GLIS3: variants seen among roughly 807,000 people sequenced by gnomAD.
GLIS3 encodes zinc finger protein GLIS3.
GLIS3 carries 53 observed loss-of-function variants against 78.6 expected under a neutral mutation model. The observed-to-expected ratio is 0.67, with a 90% CI of 0.54 to 0.85. GLIS3 has a LOEUF of 0.85. Among genes scored for constraint, GLIS3 ranks in the 40% least tolerant of loss-of-function variants. The pLI, the probability that GLIS3 is intolerant of heterozygous loss-of-function variation, is 0.00. For missense variants in GLIS3, 1,703 were observed against 1,231.1 expected, an observed-to-expected ratio of 1.38 and a Z score of -5.74; for synonymous variants, 684 against 509.9, an observed-to-expected ratio of 1.34 and a Z score of -4.60.
chr9:4,248,992 C>T (rs979495908), intron 2 of GLIS3, among the ~76,000 whole-genome samples: 7 of 152,116 alleles, frequency 4.6e-5, no homozygotes, highest in Non-Finnish European at 1.0e-4. Context: ...GTCTATATAT[C>T]TATTTTGGTA....
At chr9:3,965,783 G>GCCACCAA (rs926124182) in intron 4 of GLIS3, among the ~76,000 whole-genome samples, 1 of 152,108 alleles carries the variant, frequency 6.6e-6, no homozygotes, top group African/African-American at 2.4e-5. Context: ...CTACTTACTG[G>GCCACCAA]CCACCAACTC....
At chr9:4,181,878 G>A (rs1444047180) in intron 2 of GLIS3, among the ~76,000 whole-genome samples, 1 of 152,092 alleles carries the variant, frequency 6.6e-6, no homozygotes, top group East Asian at 1.9e-4. Context: ...GATAGGTGAA[G>A]CTATCCTATG....
intron 8 of GLIS3, among the ~76,000 whole-genome samples, chr9:3,862,809 C>A (rs1820308225): frequency 6.6e-6 from 1 of 152,124 alleles, no homozygotes; most frequent in African/African-American, 2.4e-5. Context: ...AGGAAGGATT[C>A]ATTAGAACAG....
chr9:4,179,709 A>T (rs1470675376), intron 2 of GLIS3, among the ~76,000 whole-genome samples: 1 of 152,150 alleles, frequency 6.6e-6, no homozygotes, highest in Non-Finnish European at 1.5e-5. Flanking sequence ...TAGGAGTTCG[A>T]GACCAGCCTG....
the GLIS3 span, among the ~76,000 whole-genome samples, chr9:4,396,509 A>G: frequency 6.6e-6 from 1 of 152,174 alleles, no homozygotes; most frequent in Non-Finnish European, 1.5e-5. Flanking sequence ...TGACAATGTA[A>G]CTCTGGACTG....
chr9:4,440,634 T>G, the GLIS3 span, among the ~76,000 whole-genome samples: 6 of 152,344 alleles, frequency 3.9e-5, no homozygotes, highest in Admixed American at 2.6e-4. Flanking sequence ...TCAGAATTGC[T>G]TTGACTATTC....
At chr9:4,419,941 G>A in the GLIS3 span, among the ~76,000 whole-genome samples, 1 of 152,148 alleles carries the variant, frequency 6.6e-6, no homozygotes, top group East Asian at 1.9e-4. Flanking sequence ...AATTGAACAT[G>A]AGATTTGAGC....
the GLIS3 span, among the ~76,000 whole-genome samples, chr9:4,375,973 T>C: frequency 3.5e-4 from 53 of 152,300 alleles, no homozygotes; most frequent in African/African-American, 1.2e-3. Flanking sequence ...TCTTTGTTCA[T>C]CTGTAAAAGA....
In GLIS3 at chr9:4,334,318, C is replaced by T. The variant is rs112672550; in HGVS notation, n.264+12763G>A. On this transcript the variant is annotated intron_variant and non_coding_transcript_variant, in intron 2 of 4. Transcript: ENST00000471664. ...TACAAATTACAGAGAGATCACAGAA[C>T]CTCTCAAAACAAGCAACAATTAAAA... 3.5e-3 allele frequency among the ~76,000 whole-genome samples: 533 copies of T among 152,208 alleles called. 2 individuals are homozygous for T. Among genetic ancestry groups the T allele is most frequent in the South Asian group, 8.7e-3 (42 of 4,822 alleles).
the GLIS3 span, among the ~76,000 whole-genome samples, chr9:4,431,288 G>A: frequency 6.6e-6 from 1 of 152,196 alleles, no homozygotes; most frequent in Non-Finnish European, 1.5e-5. Flanking sequence ...GGAATTGTTT[G>A]GTTGCCATCC....
At chr9:4,481,318 T>C in the GLIS3 span, among the ~76,000 whole-genome samples, 2 of 152,126 alleles carry the variant, frequency 1.3e-5, no homozygotes, top group Admixed American at 1.3e-4. Flanking sequence ...ACCCTGTCTC[T>C]ACTAAAAATA....
chr9:4,341,446 T>C (rs376201457), intron 2 of GLIS3, among the ~76,000 whole-genome samples: 1 of 152,332 alleles, frequency 6.6e-6, no homozygotes, highest in South Asian at 2.1e-4. Flanking sequence ...TTGTGAAGAC[T>C]TGTCTCATTT....
intron 2 of GLIS3, among the ~76,000 whole-genome samples, chr9:4,145,504 C>G (rs1359951752): frequency 5.3e-5 from 8 of 152,018 alleles, no homozygotes; most frequent in Admixed American, 5.2e-4. Flanking sequence ...CAAAAATGAC[C>G]AAAGCCCACA....
the GLIS3 span, among the ~76,000 whole-genome samples, chr9:4,454,270 A>G: frequency 2.6e-5 from 4 of 152,150 alleles, no homozygotes; most frequent in East Asian, 7.7e-4. Flanking sequence ...CTTCCAAAGT[A>G]CTAGGATTAC....
chr9:4,452,726 T>G, the GLIS3 span, among the ~76,000 whole-genome samples: 1 of 152,198 alleles, frequency 6.6e-6, no homozygotes. Flanking sequence ...ATCAATATCT[T>G]GAAGATGGCC....
chr9:4,130,629 A>C (rs1285882402), intron 2 of GLIS3, among the ~76,000 whole-genome samples: 1 of 152,208 alleles, frequency 6.6e-6, no homozygotes, highest in Non-Finnish European at 1.5e-5. Context: ...GAAATGCAAG[A>C]GTTGAGGCTT....
intron 4 of GLIS3, among the ~76,000 whole-genome samples, chr9:4,003,621 T>G (rs1014956718): frequency 1.3e-5 from 2 of 152,204 alleles, no homozygotes; most frequent in African/African-American, 4.8e-5. Context: ...TGTCTCTAAG[T>G]CTCTCCATCA....
At chr9:4,380,379 G>A in the GLIS3 span, among the ~76,000 whole-genome samples, 2 of 152,054 alleles carry the variant, frequency 1.3e-5, no homozygotes, top group Non-Finnish European at 2.9e-5. Flanking sequence ...GAAATAAGGG[G>A]GCAAACTTCA....
At chr9:4,294,511 A>G (rs562792382) in intron 1 of GLIS3, among the ~76,000 whole-genome samples, 39 of 148,028 alleles carry the variant, frequency 2.6e-4, no homozygotes, top group Non-Finnish European at 5.4e-4. Context: ...TTATGTCTCA[A>G]AAAAAAAAAA....
Sources: allele counts gnomAD v4.1 joint callset (sites outside exome capture counted in the v4.1 genomes callset), GRCh38; gene constraint gnomAD v4.1.1; transcripts MANE v1.5; gene names NCBI Gene and HGNC (gene_info 2026-07-23, HGNC 2026-07-21).